IL1RAPL2: variants seen among roughly 807,000 people sequenced by gnomAD.
IL1RAPL2 encodes interleukin 1 receptor accessory protein like 2.
Under a neutral mutation model 44.1 loss-of-function variants are expected in IL1RAPL2, and 3 were observed. The observed-to-expected ratio is 0.07, with a 90% CI of 0.03 to 0.18. The LOEUF is 0.18. Ranked by LOEUF, IL1RAPL2 falls within the 10% of genes least tolerant of loss-of-function variation. The pLI is 1.00. For synonymous variants in IL1RAPL2, 181 were observed against 178.8 expected (o/e 1.01, Z -0.10); for missense variants, 391 against 496.4 (o/e 0.79, Z 2.02).
chrX:105,013,316 G>A (rs1387653934), intron 2 of IL1RAPL2, among the ~76,000 whole-genome samples: 1 of 110,617 alleles, frequency 9.0e-6, no homozygotes, highest in Non-Finnish European at 1.9e-5. Context: ...TTCTAGCTAT[G>A]CCAACAGAAC....
At chrX:105,219,233 G>T in intron 3 of IL1RAPL2, 4 of 1,211,154 alleles carry the variant, frequency 3.3e-6, no homozygotes, top group Non-Finnish European at 3.4e-6. Flanking sequence ...ACTGTTGCTT[G>T]TGGAGGGGAT....
At chrX:105,275,323 G>A (rs918943937) in intron 5 of IL1RAPL2, among the ~76,000 whole-genome samples, 2 of 111,959 alleles carry the variant, frequency 1.8e-5, no homozygotes, top group Admixed American at 9.5e-5. Context: ...AGTTTCCACA[G>A]AACAAACTTT....
intron 2 of IL1RAPL2, among the ~76,000 whole-genome samples, chrX:104,906,684 G>C (rs990031603): frequency 9.0e-6 from 1 of 111,683 alleles, no homozygotes; most frequent in Non-Finnish European, 1.9e-5. Flanking sequence ...TAAGCTTTTT[G>C]ATGTGCTGCT....
intron 6 of IL1RAPL2, among the ~76,000 whole-genome samples, chrX:105,597,083 G>A (rs1440358189): frequency 2.7e-5 from 3 of 111,679 alleles, no homozygotes; most frequent in Non-Finnish European, 5.6e-5. Flanking sequence ...ATAAGAGGTT[G>A]ATATCAAAAA....
chrX:104,909,937 C>T (rs905744626), intron 2 of IL1RAPL2, among the ~76,000 whole-genome samples: 3 of 112,349 alleles, frequency 2.7e-5, no homozygotes, highest in East Asian at 2.8e-4. Flanking sequence ...TAATGGTGGG[C>T]GCCCCTCCGC....
chrX:105,424,771 T>TA (rs947285689), intron 5 of IL1RAPL2, among the ~76,000 whole-genome samples: 6 of 108,135 alleles, frequency 5.5e-5, no homozygotes, highest in Non-Finnish European at 1.2e-4. Flanking sequence ...ATGAATAAAA[T>TA]AAAAAATAAA....
intron 6 of IL1RAPL2, among the ~76,000 whole-genome samples, chrX:105,530,102 A>T (rs1473101032): frequency 1.8e-5 from 2 of 112,285 alleles, no homozygotes; most frequent in African/African-American, 3.2e-5. Context: ...ATGGGGGAAC[A>T]TATGGTACAT....
At chrX:105,131,303 G>A (rs1317406268) in intron 2 of IL1RAPL2, among the ~76,000 whole-genome samples, 3 of 109,991 alleles carry the variant, frequency 2.7e-5, no homozygotes, top group African/African-American at 6.6e-5. Flanking sequence ...TTTATTTTCT[G>A]TAAAAGGCCA....
chrX:104,837,702 C>A (rs996873073), intron 2 of IL1RAPL2, among the ~76,000 whole-genome samples: 2 of 111,748 alleles, frequency 1.8e-5, no homozygotes, highest in African/African-American at 6.5e-5. Context: ...ATGCTAGTTT[C>A]TTTTGCTGTG....
intron 2 of IL1RAPL2, among the ~76,000 whole-genome samples, chrX:104,720,853 A>G (rs769293121): frequency 3.6e-5 from 4 of 111,538 alleles, no homozygotes; most frequent in Middle Eastern, 9.3e-3. Flanking sequence ...TGAACTGAGA[A>G]GAGCTTAAAA....
intron 6 of IL1RAPL2, among the ~76,000 whole-genome samples, chrX:105,652,981 T>G (rs1212367622): frequency 9.0e-6 from 1 of 111,386 alleles, no homozygotes; most frequent in African/African-American, 3.3e-5. Context: ...TAACTAATAT[T>G]TATTGGGCAT....
At chrX:104,910,036 T>C (rs995927491) in intron 2 of IL1RAPL2, among the ~76,000 whole-genome samples, 1 of 112,456 alleles carries the variant, frequency 8.9e-6, no homozygotes, top group Admixed American at 9.4e-5. Flanking sequence ...CCGAGCCAGG[T>C]GGGGAATATA....
intron 3 of IL1RAPL2, among the ~76,000 whole-genome samples, chrX:105,211,605 A>T (rs2049076932): frequency 9.0e-6 from 1 of 111,071 alleles, no homozygotes; most frequent in Non-Finnish European, 1.9e-5. Flanking sequence ...GCTGGTTCGA[A>T]CATATTATTT....
In IL1RAPL2 at chrX:105,448,554, G is replaced by A. The variant is rs113912520; in HGVS notation, c.698-35759G>A. Among the ~76,000 whole-genome samples, 12 of 110,011 alleles carry A rather than the reference G, an allele frequency of 1.1e-4. No individual in the cohort carries two copies. In the South Asian group the frequency reaches 2.0e-3, roughly 18 times the overall value. ...TAATTTTTGTATTTTTAGTAGAGAC[G>A]GGGTTTCACCATGTTGGCCAGGCTG... On this transcript the variant is annotated intron_variant, in intron 5 of 10. Coordinates refer to ENST00000372582, the MANE Select transcript of IL1RAPL2 (RefSeq NM_017416.2).
chrX:104,611,729 C>T (rs182283510), intron 1 of IL1RAPL2, among the ~76,000 whole-genome samples: 1,196 of 104,058 alleles, frequency 0.011, 20 homozygotes, highest in African/African-American at 0.04. Flanking sequence ...CCCAGCTAAT[C>T]GGGAGGCTGA....
At chrX:105,169,554 G>A (rs1296401037) in intron 2 of IL1RAPL2, among the ~76,000 whole-genome samples, 1 of 85,948 alleles carries the variant, frequency 1.2e-5, no homozygotes, top group Non-Finnish European at 2.1e-5. Context: ...ACCCAGGCTG[G>A]AGTGCAGTGG....
At chrX:104,824,706 T>G (rs1921403262) in intron 2 of IL1RAPL2, among the ~76,000 whole-genome samples, 1 of 112,073 alleles carries the variant, frequency 8.9e-6, no homozygotes, top group Non-Finnish European at 1.9e-5. Context: ...GATGGTAGTT[T>G]ATATTTCTGT....
intron 2 of IL1RAPL2, among the ~76,000 whole-genome samples, chrX:104,929,994 CTTG>C (rs1305595749): frequency 9.0e-6 from 1 of 111,697 alleles, no homozygotes; most frequent in African/African-American, 3.3e-5. Flanking sequence ...TTATTGCTTA[CTTG>C]TTGTACCCCT....
At chrX:105,026,661 T>C (rs1002746176) in intron 2 of IL1RAPL2, among the ~76,000 whole-genome samples, 1 of 110,743 alleles carries the variant, frequency 9.0e-6, no homozygotes, top group African/African-American at 3.3e-5. Flanking sequence ...TAATGAAAAC[T>C]GTAAAACACT....
Sources: gnomAD v4.1 joint callset for allele counts (sites outside exome capture counted in the v4.1 genomes callset) on GRCh38, gnomAD v4.1.1 for gene constraint, MANE v1.5 for transcripts, NCBI Gene and HGNC (gene_info 2026-07-23, HGNC 2026-07-21) for gene names.